The following PZP variants were observed in gnomAD, a reference collection of about 807,000 sequenced individuals.
PZP encodes pregnancy zone protein.
In PZP, 150 loss-of-function variants were observed where a neutral mutation model predicts 179.8. The observed-to-expected ratio is 0.83, with a 90% CI of 0.73 to 0.96. The LOEUF is 0.96. Among genes scored for constraint, PZP ranks in the 40% least tolerant of loss-of-function variants. The pLI, the probability that PZP is intolerant of heterozygous loss-of-function variation, is 0.00. For missense variants in PZP, 1,689 were observed against 1,764.0 expected, an observed-to-expected ratio of 0.96 and a Z score of 0.76; for synonymous variants, 624 against 652.3, an observed-to-expected ratio of 0.96 and a Z score of 0.66.
intron 27 of PZP, 133 bp from the exon 28 acceptor site, chr12:9,157,488 T>C: frequency 1.2e-6 from 1 of 865,118 alleles, no homozygotes; most frequent in Non-Finnish European, 1.7e-6. Flanking sequence ...ATTCATCATA[T>C]TTAAATAGAA....
At chr12:9,192,421 G>T in intron 12 of PZP, 91 bp downstream of exon 12, 1 of 1,329,138 alleles carries the variant, frequency 7.5e-7, no homozygotes, top group Non-Finnish European at 1.1e-6. Flanking sequence ...AGGTGGCTGT[G>T]TGCAAGTAGT....
downstream of PZP, among the ~76,000 whole-genome samples, chr12:9,145,602 T>G (rs1939970744): frequency 6.6e-6 from 1 of 152,226 alleles, no homozygotes. Flanking sequence ...TAATACAGTA[T>G]CATGTGTTTT....
chr12:9,148,023 G>T (rs1447931190), downstream of PZP, among the ~76,000 whole-genome samples: 2 of 151,772 alleles, frequency 1.3e-5, no homozygotes, highest in Admixed American at 1.3e-4. Flanking sequence ...TCCATAAAAG[G>T]CATTAACTAC....
At chr12:9,165,882 A>G (rs1172072158) in intron 18 of PZP, among the ~76,000 whole-genome samples, 170 bp downstream of exon 18, 1 of 152,224 alleles carries the variant, frequency 6.6e-6, no homozygotes, top group African/African-American at 2.4e-5. Context: ...CACTGAGACA[A>G]TTGTATTAAT....
At chr12:9,163,464 A>G (rs1046626976) in intron 21 of PZP, among the ~76,000 whole-genome samples, 2 of 147,214 alleles carry the variant, frequency 1.4e-5, no homozygotes, top group African/African-American at 5.0e-5. Flanking sequence ...AAAAAAAAAA[A>G]GGAAATTGCA....
rs1940608686 is a variant in PZP at position 9,154,620 on chromosome 12, G to A, written c.3770C>T (p.Thr1257Ile). 1 of 1,614,010 alleles carries A rather than the reference G, an allele frequency of 6.2e-7. No homozygotes were observed. Among genetic ancestry groups the A allele is most frequent in the Non-Finnish European group, 8.5e-7 (1 of 1,179,928 alleles). ...GACTCTTTGGGAACCACTGACCTGG[G>A]TGGAGGAGAAACCACCTTGGGCGTT... ...QQNAQGGFSS[T>I]QDTVVALHAL... The change falls in exon 29 of 36, where the codon ACC becomes ATC. Residue 1257 changes from threonine to isoleucine, a missense_variant. Physicochemically the swap from Thr to Ile is moderately conservative, Grantham distance 89 (BLOSUM62 -1). This residue lies in a region of PZP where 746 missense variants were observed against 749.2 expected (regional missense o/e 1.00). Coordinates refer to ENST00000261336, the MANE Select transcript of PZP (RefSeq NM_002864.3).
At chr12:9,145,987 T>G (rs1001893301), downstream of PZP, among the ~76,000 whole-genome samples, 1 of 152,214 alleles carries the variant, frequency 6.6e-6, no homozygotes, top group African/African-American at 2.4e-5. Flanking sequence ...TTTTGATAAT[T>G]TAATGATTAT....
chr12:9,160,110 A>G (rs1005314900), intron 24 of PZP, 85 bp from the exon 25 acceptor site: 1 of 1,337,062 alleles, frequency 7.5e-7, no homozygotes, highest in Non-Finnish European at 1.1e-6. Context: ...TCCAGGCGCC[A>G]TGGACATTTT....
intron 19 of PZP, 49 bp downstream of exon 19, chr12:9,165,090 G>A (rs1485236618): frequency 1.9e-6 from 3 of 1,572,432 alleles, no homozygotes; most frequent in Middle Eastern, 1.7e-4. Flanking sequence ...ACTGATCAAA[G>A]GAATCTTTTG....
At chr12:9,202,727 C>G in intron 2 of PZP, 43 bp from the exon 3 acceptor site, 1 of 1,563,274 alleles carries the variant, frequency 6.4e-7, no homozygotes, top group Non-Finnish European at 8.7e-7. Context: ...ACTGTGCAGT[C>G]TTCTCCCTCT....
At chr12:9,199,924 C>T (rs529399307) in intron 7 of PZP, among the ~76,000 whole-genome samples, 99 of 152,212 alleles carry the variant, frequency 6.5e-4, no homozygotes, top group Admixed American at 1.4e-3. Context: ...AACCAATGTG[C>T]GAACACCCAG....
chr12:9,165,928 C>T, intron 18 of PZP, 124 bp downstream of exon 18: 1 of 1,218,586 alleles, frequency 8.2e-7, no homozygotes, highest in East Asian at 2.4e-5. Context: ...TTAGGTCTAT[C>T]CTAAAGAGGA....
intron 13 of PZP, among the ~76,000 whole-genome samples, chr12:9,186,229 A>G (rs945319307): frequency 3.9e-5 from 6 of 152,216 alleles, no homozygotes; most frequent in African/African-American, 1.4e-4. Flanking sequence ...TGTTACCACC[A>G]GATCCAACTT....
At position 9,206,758 on chromosome 12, in the gene PZP, A is replaced by G. The variant is rs528372276; in HGVS notation, c.83+1501T>C. Among the ~76,000 whole-genome samples the G allele has an allele frequency of 7.1e-4, 108 of 152,216 alleles. 1 individual carries two copies. The highest frequency in any genetic ancestry group is 2.4e-3 in the African/African-American group (101 of 41,540). On this transcript the variant is annotated intron_variant, in intron 1 of 35. Coordinates refer to ENST00000261336, the MANE Select transcript of PZP (RefSeq NM_002864.3). Reference sequence around the variant, plus strand: ...CCCTTCTGCTTGTGACAACTAGGGCATGAGGCTTGTTGTTCTTTGTTCAGT... The same window carrying G: ...CCCTTCTGCTTGTGACAACTAGGGCGTGAGGCTTGTTGTTCTTTGTTCAGT...
the PZP span, among the ~76,000 whole-genome samples, chr12:9,140,944 T>C: frequency 6.6e-6 from 1 of 152,152 alleles, no homozygotes; most frequent in Non-Finnish European, 1.5e-5. Flanking sequence ...TGTTACAAAA[T>C]AAAACAGATT....
Position 9,166,203 on chromosome 12 carries a change from C to T in PZP, c.2108-1G>A, listed in dbSNP as rs200077143. On this transcript the variant is annotated splice_acceptor_variant, in intron 17 of 35. Transcript: ENST00000261336. LOFTEE classifies it high-confidence loss of function. ...GGTCTCTCTACTACTCCTAGACCTG[C>T]TAAAGTAAGAGAAAATTGTCTAGTT... The T allele has an allele frequency of 6.2e-7, 1 of 1,608,032 alleles. No homozygotes were observed. Among genetic ancestry groups the T allele is most frequent in the African/African-American group, 1.3e-5 (1 of 74,708 alleles).
At position 9,194,224 on chromosome 12, in the gene PZP, A is replaced by C. The variant is rs776321334; in HGVS notation, c.1107T>G (p.Asp369Glu). The C allele has an allele frequency of 6.2e-7, 1 of 1,613,980 alleles. No individual in the cohort carries two copies. Among genetic ancestry groups the C allele is most frequent in the Admixed American group, 1.7e-5 (1 of 60,020 alleles). ...IPFFAQVLLV[D>E]GKGVPIPNKL... is the part of the protein sequence containing the mutation. Reference sequence around the variant, plus strand: ...TATTGGGGATGGGCACACCTTTTCCATCCACCAGAAGCACCTAAAGAAGAA... The same window carrying C: ...TATTGGGGATGGGCACACCTTTTCCCTCCACCAGAAGCACCTAAAGAAGAA... The change falls in exon 11 of 36, where the codon GAT becomes GAG. Residue 369 changes from aspartate to glutamate, a missense_variant. Physicochemically the swap from Asp to Glu is conservative, Grantham distance 45. This residue lies in a region of PZP where 742 missense variants were observed against 730.5 expected (regional missense o/e 1.02). Coordinates refer to ENST00000261336, the MANE Select transcript of PZP (RefSeq NM_002864.3).
chr12:9,193,060 T>C (rs951380220), intron 11 of PZP, among the ~76,000 whole-genome samples: 13 of 152,228 alleles, frequency 8.5e-5, no homozygotes, highest in African/African-American at 3.1e-4. Context: ...TTTTCAGATA[T>C]TAGAATTACC....
chr12:9,149,389 G>C (rs893775966), intron 35 of PZP, among the ~76,000 whole-genome samples, 172 bp downstream of exon 35: 1 of 152,166 alleles, frequency 6.6e-6, no homozygotes, highest in Non-Finnish European at 1.5e-5. Context: ...TCTGAAATTG[G>C]AGAGTCCGCT....
Sources: allele counts gnomAD v4.1 joint callset (sites outside exome capture counted in the v4.1 genomes callset), GRCh38; gene constraint gnomAD v4.1.1; regional missense constraint gnomAD v4.1.1; transcripts MANE v1.5; gene names NCBI Gene and HGNC (gene_info 2026-07-23, HGNC 2026-07-21).